The following PDE10A variants were observed in gnomAD, a reference collection of about 807,000 sequenced individuals.
The protein encoded by PDE10A is phosphodiesterase 10A.
PDE10A carries 39 observed loss-of-function variants against 97.7 expected under a neutral mutation model. The ratio of observed to expected loss-of-function variants is 0.40; its 90% CI spans 0.31 to 0.52. The LOEUF (loss-of-function observed/expected upper bound fraction) is 0.52. Ranked by LOEUF, PDE10A falls within the 20% of genes least tolerant of loss-of-function variation. PDE10A has a pLI of 0.56. For missense variants in PDE10A, 731 were observed against 1,047.8 expected (o/e 0.70, Z 4.17); for synonymous variants, 371 against 376.8 (o/e 0.98, Z 0.18).
intron 1 of PDE10A, among the ~76,000 whole-genome samples, chr6:165,873,525 C>T (rs1240301455): frequency 6.6e-6 from 1 of 152,108 alleles, no homozygotes; most frequent in Non-Finnish European, 1.5e-5. Flanking sequence ...TCAACTTTCT[C>T]CGCAAGAGAG....
chr6:165,697,303 G>C (rs1459769370), intron 1 of PDE10A, among the ~76,000 whole-genome samples: 1 of 152,136 alleles, frequency 6.6e-6, no homozygotes, highest in Admixed American at 6.5e-5. Flanking sequence ...AGGAACAGCT[G>C]ACTTCCCAGC....
At chr6:165,666,099 A>T (rs1017407819), upstream of PDE10A, among the ~76,000 whole-genome samples, 1 of 152,216 alleles carries the variant, frequency 6.6e-6, no homozygotes, top group African/African-American at 2.4e-5. Context: ...ATGATAATTT[A>T]GCCATGCACC....
At chr6:165,958,209 C>G (rs1784198068) in intron 1 of PDE10A, among the ~76,000 whole-genome samples, 1 of 152,136 alleles carries the variant, frequency 6.6e-6, no homozygotes, top group Non-Finnish European at 1.5e-5. Flanking sequence ...GCTTCAACGT[C>G]CTGGGCTCCT....
chr6:165,384,879 T>C (rs997859749), intron 17 of PDE10A, among the ~76,000 whole-genome samples: 2 of 152,098 alleles, frequency 1.3e-5, no homozygotes, highest in Non-Finnish European at 2.9e-5. Flanking sequence ...AGATGCCTGA[T>C]GAGGAACTAT....
At chr6:165,476,027 G>T (rs1779275200) in intron 3 of PDE10A, among the ~76,000 whole-genome samples, 2 of 152,078 alleles carry the variant, frequency 1.3e-5, no homozygotes, top group African/African-American at 4.8e-5. Context: ...TAAACAGGAG[G>T]ATGCTAAGGA....
intron 13 of PDE10A, among the ~76,000 whole-genome samples, chr6:165,405,956 G>C (rs1231425718): frequency 6.6e-6 from 1 of 152,024 alleles, no homozygotes; most frequent in East Asian, 1.9e-4. Flanking sequence ...AGGATGTAGG[G>C]TCCATTAATT....
intron 1 of PDE10A, among the ~76,000 whole-genome samples, chr6:165,818,050 C>A (rs1779469121): frequency 6.6e-6 from 1 of 152,208 alleles, no homozygotes; most frequent in Admixed American, 6.5e-5. Context: ...GCGAAGCAAG[C>A]TGAGCTGAGT....
At chr6:165,479,488 A>T (rs991335424) in intron 3 of PDE10A, among the ~76,000 whole-genome samples, 5 of 152,184 alleles carry the variant, frequency 3.3e-5, no homozygotes, top group Non-Finnish European at 7.3e-5. Flanking sequence ...TTCACTTATG[A>T]AATTAACCTC....
chr6:165,973,076 A>T (rs1784736338), intron 1 of PDE10A, among the ~76,000 whole-genome samples: 1 of 152,108 alleles, frequency 6.6e-6, no homozygotes, highest in Non-Finnish European at 1.5e-5. Flanking sequence ...ATAGCTCACA[A>T]ATAGGTTGCT....
intron 1 of PDE10A, among the ~76,000 whole-genome samples, chr6:165,748,524 T>C (rs374859623): frequency 6.6e-6 from 1 of 152,250 alleles, no homozygotes; most frequent in African/African-American, 2.4e-5. Flanking sequence ...TCAGAATCCC[T>C]GGTTCTGCTA....
chr6:165,840,540 C>T (rs922092653), intron 1 of PDE10A, among the ~76,000 whole-genome samples: 1 of 152,186 alleles, frequency 6.6e-6, no homozygotes, highest in Admixed American at 6.5e-5. Context: ...CTTGAAGGCG[C>T]TGGCTCACCT....
chr6:165,613,210 T>A (rs1359691609), intron 1 of PDE10A, among the ~76,000 whole-genome samples: 1 of 152,206 alleles, frequency 6.6e-6, no homozygotes, highest in African/African-American at 2.4e-5. Flanking sequence ...AATTCTATAC[T>A]TTTTTGCATG....
chr6:165,602,507 C>T (rs773875814), intron 1 of PDE10A, among the ~76,000 whole-genome samples: 5 of 152,136 alleles, frequency 3.3e-5, no homozygotes, highest in Non-Finnish European at 7.3e-5. Flanking sequence ...GGAGAATAGG[C>T]AGATATACCA....
At chr6:165,756,634 T>C (rs192446244) in intron 1 of PDE10A, among the ~76,000 whole-genome samples, 26 of 152,326 alleles carry the variant, frequency 1.7e-4, no homozygotes, top group African/African-American at 3.8e-4. Flanking sequence ...AGTTCCATGT[T>C]GATGGACAAT....
Position 165,813,376 on chromosome 6 carries a change from TG to T in PDE10A, c.-615+174152del, listed in dbSNP as rs1315406846. On this transcript the variant is annotated intron_variant, in intron 1 of 19. Coordinates refer to the PDE10A transcript ENST00000366882. The stretch of plus-strand genomic sequence containing the variant: ...GAAGGAGCATTTACTGAGAACCTCA[TG>T]GGAACCGCATATGTTATGGAGACAT... 2.0e-5 allele frequency among the ~76,000 whole-genome samples: 3 copies of T among 152,196 alleles called. 1 individual carries two copies. The East Asian group carries it at 5.8e-4, about 29-fold the overall frequency.
intron 1 of PDE10A, among the ~76,000 whole-genome samples, chr6:165,628,938 G>T (rs937547826): frequency 2.0e-5 from 3 of 151,928 alleles, no homozygotes; most frequent in African/African-American, 7.3e-5. Context: ...AATTATCAGA[G>T]GGCAACAGAT....
intron 1 of PDE10A, among the ~76,000 whole-genome samples, chr6:165,673,933 G>A (rs912797626): frequency 2.6e-5 from 4 of 152,040 alleles, no homozygotes; most frequent in African/African-American, 9.7e-5. Context: ...GTTTAGTTGA[G>A]TTTTGGATTA....
intron 1 of PDE10A, among the ~76,000 whole-genome samples, chr6:165,653,014 G>A (rs953552693): frequency 6.6e-6 from 1 of 152,186 alleles, no homozygotes; most frequent in African/African-American, 2.4e-5. Context: ...TAGCTCAGAA[G>A]CCCTGGGTCA....
Position 165,365,634 on chromosome 6 carries a change from C to A in PDE10A, c.2783+13560G>T, listed in dbSNP as rs190961105. 6.6e-3 allele frequency among the ~76,000 whole-genome samples: 1,007 copies of A among 152,258 alleles called. 36 individuals carry two copies. The highest frequency in any genetic ancestry group is 0.061 in the Admixed American group (936 of 15,284). ...ACTTGAAAGACTGAGGTAGGAGGAA[C>A]CCTTGAGCCTGGGAGGTCAAGGCTG... is the stretch of plus-strand genomic sequence containing the variant. On this transcript the variant is annotated intron_variant, in intron 18 of 21. Transcript: ENST00000539869.
Sources: gnomAD v4.1 joint callset for allele counts (sites outside exome capture counted in the v4.1 genomes callset) on GRCh38, gnomAD v4.1.1 for gene constraint, MANE v1.5 for transcripts, NCBI Gene and HGNC (gene_info 2026-07-23, HGNC 2026-07-21) for gene names.